The following GGACT variants were observed in gnomAD, a reference collection of about 807,000 sequenced individuals.
GGACT encodes gamma-glutamylaminecyclotransferase.
For synonymous variants in GGACT, 118 were observed against 115.3 expected (o/e 1.02, Z -0.15); for missense variants, 241 against 233.2 (o/e 1.03, Z -0.22).
intron 2 of GGACT, among the ~76,000 whole-genome samples, chr13:100,566,735 T>C (rs1004790965): frequency 6.6e-6 from 1 of 152,218 alleles, no homozygotes; most frequent in Non-Finnish European, 1.5e-5. Context: ...TCATGTCTGT[T>C]TCCCACAAAG....
chr13:100,567,726 T>C (rs1874946030), intron 2 of GGACT, among the ~76,000 whole-genome samples: 1 of 152,234 alleles, frequency 6.6e-6, no homozygotes, highest in Admixed American at 6.5e-5. Flanking sequence ...TCTACACTTA[T>C]TGAAAACCAT....
intron 1 of GGACT, chr13:100,586,904 G>A (rs1259939819): frequency 6.6e-6 from 1 of 152,268 alleles, no homozygotes; most frequent in East Asian, 1.9e-4. Flanking sequence ...GCCTTATCCT[G>A]AGTAGTTTTA....
chr13:100,563,309 A>G (rs369596832), intron 2 of GGACT, among the ~76,000 whole-genome samples: 58 of 152,246 alleles, frequency 3.8e-4, no homozygotes, highest in Non-Finnish European at 7.6e-4. Context: ...GGGGGCTGCC[A>G]GGGGCTCGGG....
At position 100,545,618 on chromosome 13, in the gene GGACT, C is replaced by A. The variant is rs942677031; in HGVS notation, c.-10-13017G>T. Among the ~76,000 whole-genome samples the A allele has an allele frequency of 1.3e-5, 2 of 152,256 alleles. No individual in the cohort carries two copies. Among genetic ancestry groups the A allele is most frequent in the Non-Finnish European group, 2.9e-5 (2 of 68,042 alleles). On this transcript the variant is annotated intron_variant, in intron 2 of 2. Transcript: ENST00000683975. The surrounding 1 kb of genome is among the most constrained non-coding windows in gnomAD (Gnocchi z 4.4). ...TGGCATGTGCCATGGAACTGGCACT[C>A]AGAAGCTGCCACTATCCTGAAATTC...
At chr13:100,560,543 G>A (rs1383251947) in intron 2 of GGACT, among the ~76,000 whole-genome samples, 2 of 152,228 alleles carry the variant, frequency 1.3e-5, no homozygotes, top group South Asian at 4.1e-4. Flanking sequence ...TGGACAGGGA[G>A]TGAGCATCCG....
At chr13:100,585,505 C>T (rs187405182) in intron 1 of GGACT, among the ~76,000 whole-genome samples, 4 of 152,218 alleles carry the variant, frequency 2.6e-5, no homozygotes, top group African/African-American at 7.2e-5. Context: ...CGGTGGCTCA[C>T]GGCTGTAATC....
Position 100,560,937 on chromosome 13 carries a change from C to T in GGACT, c.-11+22888G>A, listed in dbSNP as rs557445500. The stretch of plus-strand genomic sequence containing the variant: ...TGAACATCTCTGACAGCCCAGGCTG[C>T]GCACCCCGCATCTCCTCCAGGGCCT... On this transcript the variant is annotated intron_variant, in intron 2 of 2. Transcript: ENST00000683975. Among the ~76,000 whole-genome samples the T allele has an allele frequency of 6.6e-5, 10 of 152,266 alleles. No individual in the cohort carries two copies. The South Asian group carries it at 1.0e-3, about 16-fold the overall frequency.
intron 1 of GGACT, 96 bp downstream of exon 1, chr13:100,588,645 G>C (rs1253766394): frequency 6.6e-6 from 1 of 151,754 alleles, no homozygotes; most frequent in Non-Finnish European, 1.5e-5. Flanking sequence ...ACGCCGCGCA[G>C]GGAGCGACGC....
chr13:100,543,883 A>G (rs1314584694), intron 2 of GGACT, among the ~76,000 whole-genome samples: 1 of 152,162 alleles, frequency 6.6e-6, no homozygotes, highest in Non-Finnish European at 1.5e-5. Flanking sequence ...GTCATTCAAT[A>G]CCTCGTGTCA....
intron 2 of GGACT, chr13:100,541,642 G>A (rs773881163): frequency 5.3e-5 from 8 of 152,220 alleles, no homozygotes; most frequent in Admixed American, 6.5e-5. Flanking sequence ...AGTAGTGGTT[G>A]TGGCCTTAAT....
At chr13:100,538,747 A>G (rs2088522138) in intron 2 of GGACT, 1 of 152,160 alleles carries the variant, frequency 6.6e-6, no homozygotes, top group Non-Finnish European at 1.5e-5. Context: ...TTCCATATAC[A>G]TTTTTGGATT....
intron 2 of GGACT, among the ~76,000 whole-genome samples, chr13:100,576,072 G>A (rs1041252185): frequency 6.6e-6 from 1 of 152,140 alleles, no homozygotes; most frequent in African/African-American, 2.4e-5. Flanking sequence ...TGAGATTTGA[G>A]AATGACTCTT....
intron 1 of GGACT, among the ~76,000 whole-genome samples, chr13:100,586,160 A>C (rs1231696556): frequency 2.6e-5 from 4 of 152,128 alleles, no homozygotes; most frequent in Non-Finnish European, 4.4e-5. Flanking sequence ...TGATAATTGT[A>C]TTATGGTTAC....
intron 2 of GGACT, among the ~76,000 whole-genome samples, chr13:100,568,744 G>C (rs917264191): frequency 5.3e-5 from 8 of 152,174 alleles, no homozygotes; most frequent in African/African-American, 1.9e-4. Context: ...GAAGTCCAAA[G>C]TCTCATCTGA....
chr13:100,541,594 G>A (rs1477177415), intron 2 of GGACT: 1 of 152,120 alleles, frequency 6.6e-6, no homozygotes, highest in Non-Finnish European at 1.5e-5. Flanking sequence ...AAATAAAAAT[G>A]AACACATTAT....
At chr13:100,584,926 A>G (rs981553228) in intron 1 of GGACT, among the ~76,000 whole-genome samples, 7 of 152,324 alleles carry the variant, frequency 4.6e-5, no homozygotes, top group African/African-American at 1.7e-4. Flanking sequence ...CTATTTTGGT[A>G]ATGTTGAGCT....
At chr13:100,551,390 A>G (rs1199141452) in intron 2 of GGACT, among the ~76,000 whole-genome samples, 1 of 152,126 alleles carries the variant, frequency 6.6e-6, no homozygotes, top group East Asian at 1.9e-4. Flanking sequence ...CCTTTTCCCC[A>G]GGGAGGGACC....
chr13:100,569,149 G>C (rs9513763), intron 2 of GGACT, among the ~76,000 whole-genome samples: 65,977 of 152,176 alleles, frequency 0.43, 14,814 homozygotes, highest in Non-Finnish European at 0.47. Context: ...ACTCTGGAGT[G>C]TGAAGGACCC....
intron 2 of GGACT, among the ~76,000 whole-genome samples, chr13:100,564,032 ACCT>A (rs1173649638): frequency 6.6e-6 from 1 of 152,164 alleles, no homozygotes; most frequent in Non-Finnish European, 1.5e-5. Flanking sequence ...CCTGGGCTGG[ACCT>A]GCGGCTGGGG....
Sources: gnomAD v4.1 joint callset for allele counts (sites outside exome capture counted in the v4.1 genomes callset) on GRCh38, gnomAD v4.1.1 for gene constraint, Gnocchi (gnomAD v3.1) non-coding constraint, MANE v1.5 for transcripts, NCBI Gene and HGNC (gene_info 2026-07-23, HGNC 2026-07-21) for gene names.